RTN3: variants seen among roughly 807,000 people sequenced by gnomAD.
RTN3 encodes reticulon-3.
Under a neutral mutation model 77.8 loss-of-function variants are expected in RTN3, and 49 were observed. That is an observed-to-expected ratio of 0.63 (90% CI 0.50 to 0.80). The LOEUF is 0.80. Among genes scored for constraint, RTN3 ranks in the 30% least tolerant of loss-of-function variants. The probability of loss-of-function intolerance (pLI) is 0.00; values close to 1 mark genes in which losing one functional copy is unlikely to be tolerated. For missense variants in RTN3, 1,236 were observed against 1,211.9 expected, an observed-to-expected ratio of 1.02 and a Z score of -0.29; for synonymous variants, 464 against 446.9, an observed-to-expected ratio of 1.04 and a Z score of -0.48.
chr11:63,759,842 A>G lies in RTN3; in HGVS notation c.*1641A>G, dbSNP rs764976018. 5.3e-5 allele frequency: 8 copies of G among 151,686 alleles called. No individual in the cohort carries two copies. Among genetic ancestry groups the G allele is most frequent in the Non-Finnish European group, 1.0e-4 (7 of 67,902 alleles). 9.4% of individuals were successfully genotyped at this position (151,686 alleles called of 1,614,324 possible). On this transcript the variant is annotated 3_prime_UTR_variant, in exon 9 of 9. Transcript: ENST00000377819. ...AAGGAGCTTGAATCTTGGTTCCTGTAAAATTTCAAATTGATGTGGTATTAA... is the reference window on the plus strand; with the variant it reads ...AAGGAGCTTGAATCTTGGTTCCTGTGAAATTTCAAATTGATGTGGTATTAA...
rs911515034 is a variant in RTN3 at position 63,750,423 on chromosome 11, A to G, written c.2738+225A>G. ...ATTAGAGGCTCATACTTGAAGTTCA[A>G]AGAGGGAGTCCTTCAAAGAAGACTC... On this transcript the variant is annotated intron_variant, in intron 4 of 8. Transcript: ENST00000377819. 25 of 532,734 alleles carry G rather than the reference A, an allele frequency of 4.7e-5. No homozygotes were observed. In the Admixed American group the frequency reaches 8.0e-4, roughly 17 times the overall value. 33.0% of individuals were successfully genotyped at this position (532,734 alleles called of 1,614,324 possible). A position where few individuals can be genotyped will look rare whatever the true frequency, so the allele number is the denominator to read the frequency against.
chr11:63,719,513 C>T lies in RTN3; in HGVS notation c.1011C>T (p.Asn337=), dbSNP rs867805352. ...RCVNDMHNFT[N]EILTWDLVPQ... The stretch of plus-strand genomic sequence containing the variant: ...TGAATGATATGCATAACTTTACTAA[C>T]GAAATACTGACTTGGGATCTGGTTC... Residue 337 remains asparagine, a synonymous_variant, in exon 3 of 9, where the codon AAC becomes AAT. Transcript: ENST00000377819. 1.9e-5 allele frequency: 31 copies of T among 1,614,016 alleles called. 1 individual carries two copies. In the Middle Eastern group the frequency reaches 2.5e-3, roughly 128 times the overall value.
At chr11:63,730,653 C>T (rs1426772892) in intron 3 of RTN3, among the ~76,000 whole-genome samples, 2 of 152,084 alleles carry the variant, frequency 1.3e-5, no homozygotes, top group African/African-American at 4.8e-5. Flanking sequence ...AGACCCCCAT[C>T]TCTACAAAAA....
At chr11:63,738,134 C>T in intron 3 of RTN3, among the ~76,000 whole-genome samples, 1 of 152,152 alleles carries the variant, frequency 6.6e-6, no homozygotes, top group East Asian at 1.9e-4. Context: ...GTAAAAATGT[C>T]TGCATCTTTG....
rs758798908 is a variant in RTN3 at position 63,719,323 on chromosome 11, G to C, written c.821G>C (p.Ser274Thr). 6.2e-7 allele frequency: 1 copy of C among 1,614,158 alleles called. No homozygotes were observed. Among genetic ancestry groups the C allele is most frequent in the South Asian group, 1.1e-5 (1 of 91,084 alleles). Residue 274 changes from serine (S) to threonine (T), a missense_variant, in exon 3 of 9, where the codon AGC becomes ACC. Physicochemically the swap from Ser to Thr is moderately conservative, Grantham distance 58. This residue lies in a region of RTN3 where 1,056 missense variants were observed against 990.4 expected (regional missense o/e 1.07). Transcript: ENST00000377819. ...SYKESTDDFG[S>T]WSVHTDKESS... is the part of the protein sequence containing the mutation. ...AAGGAGAGCACAGATGATTTTGGTA[G>C]CTGGTCTGTGCACACTGATAAAGAA... is the stretch of plus-strand genomic sequence containing the variant.
In RTN3 at chr11:63,719,943, A is replaced by G; in HGVS notation, c.1441A>G (p.Met481Val). The change falls in exon 3 of 9, where the codon ATG becomes GTG. Residue 481 changes from methionine (M) to valine (V), a missense_variant. Coordinates refer to ENST00000377819, the MANE Select transcript of RTN3 (RefSeq NM_001265589.2). ...VLPDDHLKDE[M>V]DWQSSALGEI... ...ACCTGATGACCACCTGAAAGATGAA[A>G]TGGACTGGCAGAGCTCTGCATTGGG... is the stretch of plus-strand genomic sequence containing the variant. 6.2e-7 allele frequency: 1 copy of G among 1,614,164 alleles called. No homozygotes were observed. The highest frequency in any genetic ancestry group is 8.5e-7 in the Non-Finnish European group (1 of 1,180,010).
At position 63,753,059 on chromosome 11, in the gene RTN3, G is replaced by A. The variant is rs1344559237; in HGVS notation, c.2878-10G>A. The A allele has an allele frequency of 1.2e-6, 2 of 1,613,316 alleles. No homozygotes were observed. The highest frequency in any genetic ancestry group is 1.7e-6 in the Non-Finnish European group (2 of 1,179,528). On this transcript the variant is annotated splice_polypyrimidine_tract_variant and intron_variant, in intron 5 of 8. Coordinates refer to ENST00000377819, the MANE Select transcript of RTN3 (RefSeq NM_001265589.2). ...TTATTCCTGCTTAACTTTTGATATG[G>A]CCTTCACAGCTGGCTGTCTTCATGT...
In RTN3 at chr11:63,720,866, A is replaced by C; in HGVS notation, c.2364A>C (p.Arg788Ser). ...FTFAPESWPQ[R>S]SYDILERNVK... ...TTGCTCCAGAATCTTGGCCACAGAG[A>C]TCATATGACATCCTAGAACGTAATG... Residue 788 changes from arginine to serine, a missense_variant, in exon 3 of 9, where the codon AGA (arginine) becomes AGC (serine). This residue lies in a region of RTN3 where 1,056 missense variants were observed against 990.4 expected (regional missense o/e 1.07). Coordinates refer to ENST00000377819, the MANE Select transcript of RTN3 (RefSeq NM_001265589.2). The C allele has an allele frequency of 3.1e-6, 5 of 1,614,094 alleles. No homozygotes were observed. Among genetic ancestry groups the C allele is most frequent in the Non-Finnish European group, 3.4e-6 (4 of 1,180,022 alleles).
At chr11:63,745,394 G>T (rs1026441196) in intron 3 of RTN3, among the ~76,000 whole-genome samples, 2 of 152,196 alleles carry the variant, frequency 1.3e-5, no homozygotes, top group Admixed American at 1.3e-4. Flanking sequence ...GTGCTCTGAA[G>T]AAAAATAAAG....
chr11:63,758,404 C>T lies in RTN3; in HGVS notation c.*203C>T, dbSNP rs767520559. The T allele has an allele frequency of 1.4e-6, 2 of 1,432,848 alleles. No homozygotes were observed. Among genetic ancestry groups the T allele is most frequent in the Non-Finnish European group, 1.9e-6 (2 of 1,047,622 alleles). 88.8% of individuals were successfully genotyped at this position (1,432,848 alleles called of 1,614,324 possible). A position where few individuals can be genotyped will look rare whatever the true frequency, so the allele number is the denominator to read the frequency against. On this transcript the variant is annotated 3_prime_UTR_variant, in exon 9 of 9. Coordinates refer to ENST00000377819, the MANE Select transcript of RTN3 (RefSeq NM_001265589.2). ...ATTGATGGACTGATAAAAGAACTAT[C>T]TTAGAACTCAGAAGAAGAAAGAATC...
At position 63,759,236 on chromosome 11, in the gene RTN3, A is replaced by T. The variant is rs1590905120; in HGVS notation, c.*1035A>T. 1 of 152,028 alleles carries T rather than the reference A, an allele frequency of 6.6e-6. No individual in the cohort carries two copies. The highest frequency in any genetic ancestry group is 2.4e-5 in the African/African-American group (1 of 41,392). 9.4% of individuals were successfully genotyped at this position (152,028 alleles called of 1,614,324 possible). The stretch of plus-strand genomic sequence containing the variant: ...CCCGAGATTCAAATCTCCGATTCCC[A>T]TTTGGGGGCAAGTTTTTTTCTTCAC... On this transcript the variant is annotated 3_prime_UTR_variant, in exon 9 of 9. Coordinates refer to ENST00000377819, the MANE Select transcript of RTN3 (RefSeq NM_001265589.2).
At chr11:63,717,609 C>T (rs958529118) in intron 2 of RTN3, among the ~76,000 whole-genome samples, 1 of 151,422 alleles carries the variant, frequency 6.6e-6, no homozygotes, top group African/African-American at 2.4e-5. Context: ...AGGCTGGTCT[C>T]GAACTCCTGA....
intron 1 of RTN3, among the ~76,000 whole-genome samples, chr11:63,688,013 A>G (rs1030961575): frequency 2.0e-5 from 3 of 152,190 alleles, no homozygotes; most frequent in African/African-American, 4.8e-5. Context: ...GGAGGAGTCA[A>G]GATGTTTCCC....
rs1368822393 is a variant in RTN3, at chr11:63,752,615, T to G, written c.2847T>G (p.Phe949Leu). The change falls in exon 5 of 9, where the codon TTT (phenylalanine) becomes TTG (leucine). Residue 949 changes from phenylalanine to leucine, a missense_variant. Coordinates refer to ENST00000377819, the MANE Select transcript of RTN3 (RefSeq NM_001265589.2). The part of the protein sequence containing the change: ...NRALKLIIRL[F>L]LVEDLVDSLK... Reference sequence around the variant, plus strand: ...CCCTGAAACTCATTATTCGTCTCTTTCTGGTAGAAGATCTGGTTGACTCCT... The same window carrying G: ...CCCTGAAACTCATTATTCGTCTCTTGCTGGTAGAAGATCTGGTTGACTCCT... The G allele has an allele frequency of 1.6e-5, 26 of 1,613,956 alleles. No individual in the cohort carries two copies. The highest frequency in any genetic ancestry group is 2.1e-5 in the Non-Finnish European group (25 of 1,179,984).
In RTN3 at chr11:63,719,859, T is replaced by G; in HGVS notation, c.1357T>G (p.Ser453Ala). Residue 453 changes from serine to alanine, a missense_variant, in exon 3 of 9, where the codon TCT becomes GCT. Ser to Ala is a moderately conservative substitution (Grantham distance 99). Transcript: ENST00000377819. ...TGACACACTTGCAGAATTACCTGGA[T>G]CTCCACCTGAGAAATGTGACTCTTT... ...QDDTLAELPG[S>A]PPEKCDSLGS... 2 of 1,614,140 alleles carry G rather than the reference T, an allele frequency of 1.2e-6. No individual in the cohort carries two copies. Among genetic ancestry groups the G allele is most frequent in the Non-Finnish European group, 1.7e-6 (2 of 1,180,024 alleles).
rs1039048288 is a variant in RTN3 at position 63,719,560 on chromosome 11, A to G, written c.1058A>G (p.Asp353Gly). Residue 353 changes from aspartate to glycine, a missense_variant, in exon 3 of 9, where the codon GAT becomes GGT. Coordinates refer to ENST00000377819, the MANE Select transcript of RTN3 (RefSeq NM_001265589.2). ...DLVPQVKQQT[D>G]KSSDCITKTT... is the part of the protein sequence containing the mutation. ...GTTCCCCAAGTGAAACAACAGACCG[A>G]TAAATCTTCTGACTGCATCACAAAA... The G allele has an allele frequency of 1.9e-6, 3 of 1,614,194 alleles. No homozygotes were observed. Among genetic ancestry groups the G allele is most frequent in the Non-Finnish European group, 2.5e-6 (3 of 1,180,034 alleles).
chr11:63,697,676 A>G (rs2134686179), intron 1 of RTN3, among the ~76,000 whole-genome samples: 1 of 151,918 alleles, frequency 6.6e-6, no homozygotes, highest in South Asian at 2.1e-4. Flanking sequence ...GGGTTTCACT[A>G]TGTTGGCCAG....
At chr11:63,728,886 CAAAAAAAA>C (rs577443067) in intron 3 of RTN3, among the ~76,000 whole-genome samples, 4 of 78,680 alleles carry the variant, frequency 5.1e-5, no homozygotes, top group South Asian at 3.9e-4. Context: ...GACTCCGTCT[CAAAAAAAA>C]AAAAAAAAGA....
intron 1 of RTN3, among the ~76,000 whole-genome samples, chr11:63,682,538 G>A (rs573873404): frequency 5.9e-4 from 89 of 151,784 alleles, no homozygotes; most frequent in Non-Finnish European, 4.9e-4. Context: ...GCAATCAGTC[G>A]CTTATATTCT....
Sources: gnomAD v4.1 joint callset for allele counts (sites outside exome capture counted in the v4.1 genomes callset) on GRCh38, gnomAD v4.1.1 for gene constraint, gnomAD v4.1.1 regional missense constraint, MANE v1.5 for transcripts, NCBI Gene and HGNC (gene_info 2026-07-23, HGNC 2026-07-21) for gene names.